DCC: variants seen among roughly 807,000 people sequenced by gnomAD.
DCC encodes DCC netrin 1 receptor.
In DCC, 58 loss-of-function variants were observed where a neutral mutation model predicts 172.5. That is an observed-to-expected ratio of 0.34 (90% CI 0.27 to 0.42). DCC has a LOEUF of 0.42. Ranked by LOEUF, DCC falls within the 10% of genes least tolerant of loss-of-function variation. The pLI is 1.00. For synonymous variants in DCC, 709 were observed against 644.5 expected, an observed-to-expected ratio of 1.10 and a Z score of -1.52; for missense variants, 1,740 against 1,791.0, an observed-to-expected ratio of 0.97 and a Z score of 0.51.
chr18:52,548,172 A>G (rs2032667332), intron 1 of DCC, among the ~76,000 whole-genome samples: 1 of 152,110 alleles, frequency 6.6e-6, no homozygotes, highest in South Asian at 2.1e-4. Context: ...ATTGGACTCA[A>G]ATTTCCAATT....
chr18:53,463,677 G>T (rs190046631), intron 24 of DCC, among the ~76,000 whole-genome samples: 17 of 152,184 alleles, frequency 1.1e-4, no homozygotes, highest in African/African-American at 4.1e-4. Context: ...ATTAAGAAGG[G>T]TTAAATAATG....
At chr18:53,329,546 G>A (rs1241558929) in intron 14 of DCC, among the ~76,000 whole-genome samples, 1 of 151,824 alleles carries the variant, frequency 6.6e-6, no homozygotes, top group Non-Finnish European at 1.5e-5. Context: ...AATTTAACAA[G>A]ATGTAAACAA....
chr18:52,610,839 C>T (rs900951016), intron 1 of DCC, among the ~76,000 whole-genome samples: 2 of 145,726 alleles, frequency 1.4e-5, no homozygotes, highest in Non-Finnish European at 3.1e-5. Context: ...TTTTTCTACC[C>T]ATTTACAAAT....
At chr18:53,146,353 G>T (rs1436369294) in intron 7 of DCC, among the ~76,000 whole-genome samples, 1 of 152,250 alleles carries the variant, frequency 6.6e-6, no homozygotes, top group Admixed American at 6.5e-5. Context: ...GGTGAGGGCT[G>T]CTGTCTGCTT....
At chr18:52,515,585 C>T (rs71367279) in intron 1 of DCC, among the ~76,000 whole-genome samples, 31 of 37,694 alleles carry the variant, frequency 8.2e-4, no homozygotes, top group African/African-American at 1.9e-3. Context: ...CCAGCCTGGG[C>T]GACAGAGCGA....
intron 22 of DCC, among the ~76,000 whole-genome samples, chr18:53,444,465 C>CTTCA (rs1472063709): frequency 6.6e-6 from 1 of 152,144 alleles, no homozygotes; most frequent in Non-Finnish European, 1.5e-5. Context: ...CACCACTGCA[C>CTTCA]TTCAGCCTGA....
chr18:52,656,040 G>A (rs866120056), intron 1 of DCC, among the ~76,000 whole-genome samples: 105 of 115,426 alleles, frequency 9.1e-4, no homozygotes, highest in African/African-American at 2.8e-3. Flanking sequence ...ATATATGTGT[G>A]TATATATATG....
chr18:52,557,412 G>A (rs1005428180), intron 1 of DCC, among the ~76,000 whole-genome samples: 7 of 152,204 alleles, frequency 4.6e-5, no homozygotes, highest in African/African-American at 1.7e-4. Flanking sequence ...TTTGGTAGAT[G>A]ATTGACACAA....
At chr18:53,208,153 C>A (rs1012594408) in intron 11 of DCC, among the ~76,000 whole-genome samples, 2 of 148,996 alleles carry the variant, frequency 1.3e-5, no homozygotes, top group Non-Finnish European at 3.0e-5. Flanking sequence ...CATGCACCTG[C>A]GATCCCAGCT....
intron 1 of DCC, among the ~76,000 whole-genome samples, chr18:52,635,995 T>C (rs1407550551): frequency 6.6e-6 from 1 of 152,186 alleles, no homozygotes; most frequent in Non-Finnish European, 1.5e-5. Flanking sequence ...CTGCAGGACC[T>C]GGGAGACACC....
chr18:52,955,383 C>CTTT (rs34283017), intron 5 of DCC, among the ~76,000 whole-genome samples: 1 of 148,800 alleles, frequency 6.7e-6, no homozygotes, highest in Non-Finnish European at 1.5e-5. Flanking sequence ...TTTAGTAGAC[C>CTTT]TTTTTTTTTT....
intron 5 of DCC, among the ~76,000 whole-genome samples, chr18:52,960,775 C>G (rs575295703): frequency 2.0e-5 from 3 of 152,286 alleles, no homozygotes; most frequent in South Asian, 4.1e-4. Context: ...AAGTCAAATT[C>G]ACTTTCTGTG....
intron 2 of DCC, among the ~76,000 whole-genome samples, chr18:52,839,977 G>A (rs1274632138): frequency 2.0e-5 from 3 of 152,126 alleles, no homozygotes; most frequent in Non-Finnish European, 4.4e-5. Context: ...CTAGCCCAGT[G>A]GTCCTCAAAC....
intron 1 of DCC, chr18:52,419,404 T>C (rs902411336): frequency 6.6e-6 from 1 of 152,154 alleles, no homozygotes; most frequent in African/African-American, 2.4e-5. Context: ...AAAACAAGTT[T>C]TCATCCAGTG....
chr18:53,394,425 T>A (rs1198641832), intron 17 of DCC, among the ~76,000 whole-genome samples: 1 of 152,226 alleles, frequency 6.6e-6, no homozygotes, highest in African/African-American at 2.4e-5. Context: ...CCCAAATCTA[T>A]AATACAGATG....
intron 12 of DCC, among the ~76,000 whole-genome samples, chr18:53,275,250 T>C (rs899802470): frequency 6.6e-6 from 1 of 152,132 alleles, no homozygotes; most frequent in African/African-American, 2.4e-5. Context: ...AACTGCTAGA[T>C]TGAGCTTAAG....
At chr18:53,003,700 TTTTCCTC>T (rs2041602043) in intron 5 of DCC, among the ~76,000 whole-genome samples, 1 of 151,944 alleles carries the variant, frequency 6.6e-6, no homozygotes, top group South Asian at 2.1e-4. Context: ...AAAAGGAGAC[TTTTCCTC>T]CCTTTTTTCA....
chr18:52,934,288 T>C lies in DCC; in HGVS notation c.985+8918T>C, dbSNP rs1173803413. The stretch of plus-strand genomic sequence containing the variant: ...ATCTAGTGATACATTGAAATTTCTT[T>C]GGCAGTAATCTCTAGAAACATAGAC... On this transcript the variant is annotated intron_variant, in intron 5 of 28. Transcript: ENST00000442544. 1.3e-5 allele frequency among the ~76,000 whole-genome samples: 2 copies of C among 152,080 alleles called. 1 individual carries two copies. The highest frequency in any genetic ancestry group is 3.9e-4 in the East Asian group (2 of 5,168).
chr18:52,759,769 T>C (rs2037130121), intron 2 of DCC, among the ~76,000 whole-genome samples: 1 of 152,226 alleles, frequency 6.6e-6, no homozygotes, highest in Non-Finnish European at 1.5e-5. Context: ...TATATTACAC[T>C]GTTAATCTTG....
Sources: gnomAD v4.1 joint callset for allele counts (sites outside exome capture counted in the v4.1 genomes callset) on GRCh38, gnomAD v4.1.1 for gene constraint, MANE v1.5 for transcripts, NCBI Gene and HGNC (gene_info 2026-07-23, HGNC 2026-07-21) for gene names.